The following ACTL8 variants were observed in gnomAD, a reference collection of about 807,000 sequenced individuals.
ACTL8 encodes actin like 8, also known as actin-like protein 8.
A neutral mutation model predicts 9.3 loss-of-function variants in ACTL8; 3 were observed. The ratio of observed to expected loss-of-function variants is 0.32; its 90% CI spans 0.15 to 0.83. ACTL8 has a LOEUF of 0.83. Ranked by LOEUF, ACTL8 falls within the 40% of genes least tolerant of loss-of-function variation. The probability of loss-of-function intolerance (pLI) is 0.57; values close to 1 mark genes in which losing one functional copy is unlikely to be tolerated. For missense variants in ACTL8, 381 were observed against 492.2 expected (o/e 0.77, Z 2.14); for synonymous variants, 224 against 205.9 (o/e 1.09, Z -0.75).
chr1:17,812,427 C>CTTT (rs141182523), intron 1 of ACTL8, among the ~76,000 whole-genome samples: 30 of 122,410 alleles, frequency 2.5e-4, no homozygotes, highest in Middle Eastern at 4.3e-3. Flanking sequence ...ATTTTTTTTC[C>CTTT]TTTTTTTTTT....
intron 1 of ACTL8, among the ~76,000 whole-genome samples, chr1:17,787,469 A>G (rs1470352753): frequency 1.3e-5 from 2 of 151,836 alleles, no homozygotes; most frequent in Non-Finnish European, 2.9e-5. Flanking sequence ...GGGTTTCACC[A>G]TGTTGGCCAG....
rs1455078916 is a variant in ACTL8 at position 17,823,192 on chromosome 1, A to G, written c.184A>G (p.Thr62Ala). ...SLGIDICHPD[T>A]FSYPIERGRI... The stretch of plus-strand genomic sequence containing the variant: ...GGGCATCGACATTTGCCATCCTGAC[A>G]CCTTTAGCTACCCCATCGAGCGGGG... Residue 62 changes from threonine to alanine, a missense_variant, in exon 2 of 3, where the codon ACC becomes GCC. Thr to Ala is a moderately conservative substitution (Grantham distance 58). Coordinates refer to ENST00000375406, the MANE Select transcript of ACTL8 (RefSeq NM_030812.3). The surrounding 1 kb of genome is among the most constrained non-coding windows in gnomAD (Gnocchi z 5.3). 1.2e-6 allele frequency: 2 copies of G among 1,614,060 alleles called. No individual in the cohort carries two copies. The highest frequency in any genetic ancestry group is 3.3e-5 in the Admixed American group (2 of 60,024).
intron 1 of ACTL8, among the ~76,000 whole-genome samples, chr1:17,766,649 C>T (rs945210587): frequency 2.0e-5 from 3 of 152,126 alleles, no homozygotes; most frequent in Admixed American, 2.0e-4. Flanking sequence ...GTGATTATCC[C>T]CACTTTACAG....
At chr1:17,779,628 C>G (rs532198629) in intron 1 of ACTL8, among the ~76,000 whole-genome samples, 1 of 152,188 alleles carries the variant, frequency 6.6e-6, no homozygotes, top group East Asian at 1.9e-4. Flanking sequence ...GAGTGGCTCT[C>G]TTCCATGCAG....
intron 1 of ACTL8, among the ~76,000 whole-genome samples, chr1:17,804,632 A>G (rs1465653484): frequency 1.4e-5 from 2 of 142,550 alleles, no homozygotes; most frequent in African/African-American, 2.6e-5. Flanking sequence ...TTTGAAATGG[A>G]GTTTTGCTTT....
At chr1:17,758,834 A>T (rs2065983392) in intron 1 of ACTL8, among the ~76,000 whole-genome samples, 1 of 152,320 alleles carries the variant, frequency 6.6e-6, no homozygotes, top group Admixed American at 6.5e-5. Flanking sequence ...AATTAGAGTA[A>T]GCACACTTGG....
intron 1 of ACTL8, among the ~76,000 whole-genome samples, chr1:17,771,791 C>T (rs1408808584): frequency 1.3e-5 from 2 of 152,048 alleles, no homozygotes; most frequent in African/African-American, 4.8e-5. Context: ...GTGGAGGGGG[C>T]GTGCTCACCG....
intron 1 of ACTL8, among the ~76,000 whole-genome samples, chr1:17,820,111 T>C (rs1434814563): frequency 6.6e-6 from 1 of 152,192 alleles, no homozygotes; most frequent in Non-Finnish European, 1.5e-5. Flanking sequence ...ACAAACAAGA[T>C]ACAGCATAGT....
intron 1 of ACTL8, among the ~76,000 whole-genome samples, chr1:17,757,221 A>T (rs1374002736): frequency 6.6e-6 from 1 of 151,692 alleles, no homozygotes; most frequent in Non-Finnish European, 1.5e-5. Flanking sequence ...CCTTCGAGCC[A>T]CAGTCTGAGA....
intron 1 of ACTL8, among the ~76,000 whole-genome samples, chr1:17,821,265 A>T (rs905779205): frequency 6.6e-6 from 1 of 152,238 alleles, no homozygotes; most frequent in Admixed American, 6.5e-5. Context: ...TTGGAAGGAC[A>T]AAAGTTCCTA....
intron 1 of ACTL8, among the ~76,000 whole-genome samples, chr1:17,818,631 A>G (rs1244729030): frequency 6.6e-6 from 1 of 152,174 alleles, no homozygotes; most frequent in African/African-American, 2.4e-5. Flanking sequence ...ATGCTTTTCC[A>G]GGTATTCACA....
At chr1:17,809,332 G>T (rs1025884700) in intron 1 of ACTL8, among the ~76,000 whole-genome samples, 1 of 152,178 alleles carries the variant, frequency 6.6e-6, no homozygotes, top group African/African-American at 2.4e-5. Context: ...AAAGGCTCCA[G>T]ATCTCACTCA....
chr1:17,785,633 C>T (rs574773767), intron 1 of ACTL8, among the ~76,000 whole-genome samples: 3 of 152,338 alleles, frequency 2.0e-5, no homozygotes, highest in Admixed American at 2.0e-4. Flanking sequence ...TTTGCCCTAA[C>T]TCACTATGGC....
chr1:17,778,654 G>T (rs2066132770), intron 1 of ACTL8, among the ~76,000 whole-genome samples: 1 of 152,176 alleles, frequency 6.6e-6, no homozygotes, highest in South Asian at 2.1e-4. Flanking sequence ...CTTTAGGGAA[G>T]TTAATTCCCT....
intron 1 of ACTL8, among the ~76,000 whole-genome samples, chr1:17,816,994 C>T (rs1351080360): frequency 1.3e-5 from 2 of 152,168 alleles, no homozygotes; most frequent in Non-Finnish European, 2.9e-5. Flanking sequence ...TTTTGATTCT[C>T]TTCAGTCTGC....
intron 1 of ACTL8, among the ~76,000 whole-genome samples, chr1:17,816,184 C>T (rs1177833209): frequency 6.7e-6 from 1 of 149,512 alleles, no homozygotes; most frequent in Non-Finnish European, 1.5e-5. Context: ...TGCAATAGAA[C>T]TCAAAATATT....
intron 1 of ACTL8, among the ~76,000 whole-genome samples, chr1:17,814,928 A>G (rs541666955): frequency 5.3e-5 from 8 of 151,832 alleles, no homozygotes; most frequent in African/African-American, 1.7e-4. Flanking sequence ...AGTTTGTACC[A>G]TAGCAAGACT....
Position 17,786,647 on chromosome 1 carries a change from A to G in ACTL8, c.-25+31143A>G, listed in dbSNP as rs541653900. 1.2e-3 allele frequency among the ~76,000 whole-genome samples: 177 copies of G among 152,300 alleles called. 1 individual carries two copies. In the Middle Eastern group the frequency reaches 0.017, roughly 15 times the overall value. The stretch of plus-strand genomic sequence containing the variant: ...GATAGAGGAGAGAGGGGACATATAC[A>G]TGGACCTTCTTTACGTACATATGCA... On this transcript the variant is annotated intron_variant, in intron 1 of 2. Coordinates refer to ENST00000375406, the MANE Select transcript of ACTL8 (RefSeq NM_030812.3).
Position 17,826,300 on chromosome 1 carries a change from C to T in ACTL8, c.882C>T (p.His294=), listed in dbSNP as rs534457903. ...CCCTGCGCCCCCTGCTGGTCTCCCA[C>T]GTGATGGCCTGCGGGGGCAACACCC... is the stretch of plus-strand genomic sequence containing the variant. ...EISLRPLLVS[H]VMACGGNTLY... Residue 294 remains histidine, a synonymous_variant, in exon 3 of 3, where the codon CAC becomes CAT. Transcript: ENST00000375406. The surrounding 1 kb of genome is among the most constrained non-coding windows in gnomAD (Gnocchi z 4.5). 1.1e-5 allele frequency: 17 copies of T among 1,610,888 alleles called. No homozygotes were observed. The East Asian group carries it at 1.8e-4, about 17-fold the overall frequency.
Sources: gnomAD v4.1 joint callset for allele counts (sites outside exome capture counted in the v4.1 genomes callset) on GRCh38, gnomAD v4.1.1 for gene constraint, Gnocchi (gnomAD v3.1) non-coding constraint, MANE v1.5 for transcripts, NCBI Gene and HGNC (gene_info 2026-07-23, HGNC 2026-07-21) for gene names.